The following PTPRD variants were observed in gnomAD, a reference collection of about 807,000 sequenced individuals.
PTPRD encodes receptor-type tyrosine-protein phosphatase delta.
In PTPRD, 34 loss-of-function variants were observed where a neutral mutation model predicts 214.5. The ratio of observed to expected loss-of-function variants is 0.16; its 90% confidence interval spans 0.12 to 0.21. PTPRD has a LOEUF of 0.21. Among genes scored for constraint, PTPRD ranks in the 10% least tolerant of loss-of-function variants. The probability of loss-of-function intolerance (pLI) is 1.00; values close to 1 mark genes in which losing one functional copy is unlikely to be tolerated. For missense variants in PTPRD, 2,545 were observed against 2,398.7 expected (o/e 1.06, Z -1.27); for synonymous variants, 1,128 against 845.7 (o/e 1.33, Z -5.79).
chr9:9,956,823 A>T (rs2093965492), intron 4 of PTPRD, among the ~76,000 whole-genome samples: 1 of 152,186 alleles, frequency 6.6e-6, no homozygotes, highest in African/African-American at 2.4e-5. Context: ...TAAATAACTG[A>T]ATCTTCTCCA....
chr9:8,423,146 C>A (rs1442684808), intron 35 of PTPRD, among the ~76,000 whole-genome samples: 1 of 152,064 alleles, frequency 6.6e-6, no homozygotes, highest in Non-Finnish European at 1.5e-5. Flanking sequence ...ACCAGAGAAA[C>A]AGAATTTCAG....
At chr9:8,748,322 C>T (rs10977275) in intron 11 of PTPRD, among the ~76,000 whole-genome samples, 1,827 of 151,966 alleles carry the variant, frequency 0.012, 27 homozygotes, top group Non-Finnish European at 0.019. Context: ...AATCAGAGAG[C>T]TCACTAAAAT....
intron 8 of PTPRD, among the ~76,000 whole-genome samples, chr9:9,447,657 C>A (rs2090893699): frequency 6.6e-6 from 1 of 151,942 alleles, no homozygotes; most frequent in Non-Finnish European, 1.5e-5. Context: ...CACATGTACC[C>A]CTGAAATTAA....
At chr9:8,820,525 A>G (rs1411830876) in intron 11 of PTPRD, among the ~76,000 whole-genome samples, 1 of 152,222 alleles carries the variant, frequency 6.6e-6, no homozygotes, top group Admixed American at 6.5e-5. Flanking sequence ...TGTTTCATTT[A>G]CCATCAAAGA....
Position 10,143,546 on chromosome 9 carries a change from A to T in PTPRD, c.-544-109756T>A, listed in dbSNP as rs374448005. On this transcript the variant is annotated intron_variant, in intron 3 of 45. Transcript: ENST00000381196. ...AGTTGAACTGCCATTCAACCCAGCAATTCCATTACTGGGTATATACATAAA... is the reference window on the plus strand; with the variant it reads ...AGTTGAACTGCCATTCAACCCAGCATTTCCATTACTGGGTATATACATAAA... Among the ~76,000 whole-genome samples, 19 of 151,164 alleles carry T rather than the reference A, an allele frequency of 1.3e-4. No homozygotes were observed. The East Asian group carries it at 3.5e-3, about 28-fold the overall frequency.
intron 3 of PTPRD, among the ~76,000 whole-genome samples, chr9:10,143,165 C>T (rs34164758): frequency 0.24 from 35,969 of 151,786 alleles, 4,408 homozygotes; most frequent in South Asian, 0.4. Flanking sequence ...GGGAGATATA[C>T]CTAATGCTAG....
At chr9:9,132,802 T>A (rs1173591661) in intron 10 of PTPRD, among the ~76,000 whole-genome samples, 1 of 152,186 alleles carries the variant, frequency 6.6e-6, no homozygotes, top group Admixed American at 6.5e-5. Context: ...CTAATACTTG[T>A]GTGCAAAATA....
chr9:9,353,625 T>TAA (rs34921056), intron 9 of PTPRD, among the ~76,000 whole-genome samples: 1 of 147,560 alleles, frequency 6.8e-6, no homozygotes. Flanking sequence ...TTCATGCCTT[T>TAA]AAAAAAAAAA....
At chr9:8,942,996 T>C (rs1184742704) in intron 11 of PTPRD, among the ~76,000 whole-genome samples, 1 of 152,058 alleles carries the variant, frequency 6.6e-6, no homozygotes, top group East Asian at 1.9e-4. Flanking sequence ...TATATGCCAA[T>C]AGCAAATAAT....
At chr9:8,604,865 C>G (rs1402718430) in intron 14 of PTPRD, among the ~76,000 whole-genome samples, 1 of 151,994 alleles carries the variant, frequency 6.6e-6, no homozygotes, top group Non-Finnish European at 1.5e-5. Flanking sequence ...TAAGGTCATC[C>G]CTTAACATGT....
chr9:9,829,821 G>T (rs2054216931), intron 5 of PTPRD, among the ~76,000 whole-genome samples: 1 of 151,674 alleles, frequency 6.6e-6, no homozygotes, highest in East Asian at 1.9e-4. Flanking sequence ...ACTTTTAAGA[G>T]ATCCATTGTT....
At chr9:8,866,395 CAAT>C (rs2098196155) in intron 11 of PTPRD, among the ~76,000 whole-genome samples, 1 of 152,094 alleles carries the variant, frequency 6.6e-6, no homozygotes, top group Admixed American at 6.6e-5. Context: ...TGGACTAATA[CAAT>C]AATAATCTTT....
intron 3 of PTPRD, among the ~76,000 whole-genome samples, chr9:10,295,933 A>T (rs1331705241): frequency 6.6e-6 from 1 of 152,052 alleles, no homozygotes; most frequent in Admixed American, 6.6e-5. Context: ...ATCTCAGACT[A>T]ACTGTCCACA....
intron 8 of PTPRD, among the ~76,000 whole-genome samples, chr9:9,417,932 A>T (rs2077465023): frequency 6.6e-6 from 1 of 152,064 alleles, no homozygotes; most frequent in East Asian, 1.9e-4. Flanking sequence ...TTCTGTTGAT[A>T]AAATATCCAA....
intron 7 of PTPRD, among the ~76,000 whole-genome samples, chr9:9,588,125 A>G (rs1399037310): frequency 6.6e-6 from 1 of 151,898 alleles, no homozygotes; most frequent in African/African-American, 2.4e-5. Context: ...TATATAAACT[A>G]TCATGTATTA....
chr9:8,593,947 G>C (rs1033359499), intron 14 of PTPRD, among the ~76,000 whole-genome samples: 1 of 152,100 alleles, frequency 6.6e-6, no homozygotes, highest in Non-Finnish European at 1.5e-5. Flanking sequence ...TTCCCAGTAG[G>C]ATACATATAT....
chr9:8,552,800 T>A (rs1193945221), intron 14 of PTPRD, among the ~76,000 whole-genome samples: 1 of 152,210 alleles, frequency 6.6e-6, no homozygotes, highest in East Asian at 1.9e-4. Context: ...GACTTGCTTT[T>A]GACAATGGGG....
chr9:9,979,671 T>C (rs149531295), intron 4 of PTPRD, among the ~76,000 whole-genome samples: 52 of 152,244 alleles, frequency 3.4e-4, no homozygotes, highest in Middle Eastern at 3.4e-3. Flanking sequence ...TATAGAATAT[T>C]AACAAAGAAT....
At chr9:9,342,869 C>T (rs896814461) in intron 9 of PTPRD, among the ~76,000 whole-genome samples, 2 of 151,924 alleles carry the variant, frequency 1.3e-5, no homozygotes, top group Admixed American at 6.6e-5. Context: ...TAGCCCCCTA[C>T]CCCGCCAACA....
Sources: allele counts gnomAD v4.1 joint callset (sites outside exome capture counted in the v4.1 genomes callset), GRCh38; gene constraint gnomAD v4.1.1; transcripts MANE v1.5; gene names NCBI Gene and HGNC (gene_info 2026-07-23, HGNC 2026-07-21).